ZSWIM6: variants seen among roughly 807,000 people sequenced by gnomAD.
The protein encoded by ZSWIM6 is zinc finger SWIM-type containing 6.
A neutral mutation model predicts 113.2 loss-of-function variants in ZSWIM6; 9 were observed. The observed-to-expected ratio is 0.08, with a 90% CI of 0.05 to 0.14. ZSWIM6 has a LOEUF of 0.14. Ranked by LOEUF, ZSWIM6 falls within the 10% of genes least tolerant of loss-of-function variation. The pLI, the probability that ZSWIM6 is intolerant of heterozygous loss-of-function variation, is 1.00. For missense variants in ZSWIM6, 1,162 were observed against 1,552.2 expected (o/e 0.75, Z 4.22); for synonymous variants, 611 against 606.5 (o/e 1.01, Z -0.11).
intron 3 of ZSWIM6, among the ~76,000 whole-genome samples, chr5:61,492,570 T>C (rs965438123): frequency 1.3e-5 from 2 of 152,148 alleles, no homozygotes; most frequent in African/African-American, 4.8e-5. Flanking sequence ...AAATAGTAAG[T>C]ATCAATGTAA....
At chr5:61,490,294 G>A (rs1392919025) in intron 2 of ZSWIM6, among the ~76,000 whole-genome samples, 2 of 151,980 alleles carry the variant, frequency 1.3e-5, no homozygotes, top group South Asian at 2.1e-4. Context: ...TTTAATCTTC[G>A]GTTTTCTGCA....
chr5:61,469,832 C>T (rs373330843), intron 1 of ZSWIM6, among the ~76,000 whole-genome samples: 1 of 152,096 alleles, frequency 6.6e-6, no homozygotes, highest in South Asian at 2.1e-4. Context: ...CTCAGCTCCC[C>T]GAGTAGCTGG....
In ZSWIM6 at chr5:61,460,312, GT is replaced by G. The variant is rs200157562; in HGVS notation, c.677-12360del. Among the ~76,000 whole-genome samples, 7 of 150,940 alleles carry G rather than the reference GT, an allele frequency of 4.6e-5. No homozygotes were observed. In the East Asian group the frequency reaches 9.7e-4, roughly 21 times the overall value. ...TACTGCTTATACTGAATTATGGTTT[GT>G]TTTTTTTTAATATCTTACAGCAGTT... On this transcript the variant is annotated intron_variant, in intron 1 of 13. Coordinates refer to ENST00000252744, the MANE Select transcript of ZSWIM6 (RefSeq NM_020928.2).
intron 4 of ZSWIM6, among the ~76,000 whole-genome samples, chr5:61,503,486 C>T (rs756115086): frequency 2.0e-5 from 3 of 152,138 alleles, no homozygotes; most frequent in Non-Finnish European, 4.4e-5. Context: ...AGAGAGAGAC[C>T]TTGAAGTGGC....
At chr5:61,378,450 T>A (rs1745414022) in intron 1 of ZSWIM6, among the ~76,000 whole-genome samples, 2 of 152,246 alleles carry the variant, frequency 1.3e-5, no homozygotes, top group African/African-American at 4.8e-5. Flanking sequence ...ATTTATATGT[T>A]GCTTATGTAT....
At chr5:61,405,201 A>G (rs571783247) in intron 1 of ZSWIM6, among the ~76,000 whole-genome samples, 3 of 152,328 alleles carry the variant, frequency 2.0e-5, no homozygotes, top group South Asian at 4.1e-4. Context: ...ATTTGTTGAT[A>G]GAAAGCTATG....
intron 7 of ZSWIM6, among the ~76,000 whole-genome samples, chr5:61,527,799 T>G (rs773386767): frequency 1.3e-5 from 2 of 152,192 alleles, no homozygotes; most frequent in African/African-American, 4.8e-5. Flanking sequence ...ATTATACATT[T>G]TATGAATAAA....
rs368356910 is a variant in ZSWIM6 at position 61,532,421 on chromosome 5, C to T, written c.2245+696C>T. ...TAATTCATGTGGTAGTGTGATCTTT[C>T]GTGCAAATTTAGGTGGTGTGTAACT... On this transcript the variant is annotated intron_variant, in intron 9 of 13. Transcript: ENST00000252744. 1.2e-4 allele frequency among the ~76,000 whole-genome samples: 19 copies of T among 152,236 alleles called. No homozygotes were observed. In the South Asian group the frequency reaches 2.1e-3, roughly 17 times the overall value.
At chr5:61,422,160 G>A (rs983749559) in intron 1 of ZSWIM6, among the ~76,000 whole-genome samples, 2 of 152,192 alleles carry the variant, frequency 1.3e-5, no homozygotes, top group African/African-American at 4.8e-5. Flanking sequence ...GTCCTGGAGA[G>A]TTTCCCCAAA....
At chr5:61,375,407 A>T (rs1745351948) in intron 1 of ZSWIM6, 2 of 1,526,786 alleles carry the variant, frequency 1.3e-6, no homozygotes, top group Non-Finnish European at 1.8e-6. Flanking sequence ...AAAGAAAAGA[A>T]GAAATCTGGT....
rs773943369 is a variant in ZSWIM6 at position 61,525,843 on chromosome 5, C to T, written c.1557C>T (p.Ile519=). 16 of 1,551,748 alleles carry T rather than the reference C, an allele frequency of 1.0e-5. No homozygotes were observed. The highest frequency in any genetic ancestry group is 1.4e-5 in the African/African-American group (1 of 73,032). Residue 519 remains isoleucine, a synonymous_variant, in exon 6 of 14, where the codon ATC becomes ATT. Transcript: ENST00000252744. ...ATCGGACAGTGTTCACCCGAGCCAT[C>T]GAGGCATGCGATCTCCACTGGCAGG... ...RPHRTVFTRA[I]EACDLHWQDS...
At chr5:61,440,145 T>C (rs1050243538) in intron 1 of ZSWIM6, among the ~76,000 whole-genome samples, 1 of 151,708 alleles carries the variant, frequency 6.6e-6, no homozygotes, top group Non-Finnish European at 1.5e-5. Flanking sequence ...GAGAGTATAT[T>C]AAGTATACAA....
At chr5:61,443,459 C>T (rs923512467) in intron 1 of ZSWIM6, among the ~76,000 whole-genome samples, 6 of 152,116 alleles carry the variant, frequency 3.9e-5, no homozygotes, top group Non-Finnish European at 7.4e-5. Flanking sequence ...ATAATTCTAA[C>T]ATAACAGATA....
chr5:61,534,252 G>T (rs1486676718), intron 9 of ZSWIM6, among the ~76,000 whole-genome samples: 1 of 152,068 alleles, frequency 6.6e-6, no homozygotes, highest in African/African-American at 2.4e-5. Flanking sequence ...AATGGATTTG[G>T]TAAAATTAGA....
intron 1 of ZSWIM6, among the ~76,000 whole-genome samples, chr5:61,353,594 A>T (rs1479359007): frequency 6.6e-6 from 1 of 152,136 alleles, no homozygotes; most frequent in African/African-American, 2.4e-5. Flanking sequence ...CTACTTCTGA[A>T]TGTATTATGT....
intron 5 of ZSWIM6, among the ~76,000 whole-genome samples, chr5:61,525,263 A>G (rs1050258694): frequency 2.6e-5 from 4 of 152,254 alleles, no homozygotes; most frequent in Non-Finnish European, 4.4e-5. Context: ...CCCAAGAAGC[A>G]TAATAGTTTT....
At chr5:61,375,568 G>T (rs887841145) in intron 1 of ZSWIM6, 15 of 1,533,140 alleles carry the variant, frequency 9.8e-6, no homozygotes, top group African/African-American at 1.4e-5. Context: ...AACTGAATCA[G>T]ACAGTAAGGA....
At chr5:61,354,891 C>T (rs1744867908) in intron 1 of ZSWIM6, among the ~76,000 whole-genome samples, 1 of 152,012 alleles carries the variant, frequency 6.6e-6, no homozygotes, top group Non-Finnish European at 1.5e-5. Flanking sequence ...TGTATTAAGG[C>T]AATATATGTT....
chr5:61,396,377 C>A (rs1287065281), intron 1 of ZSWIM6, among the ~76,000 whole-genome samples: 2 of 151,724 alleles, frequency 1.3e-5, no homozygotes, highest in Admixed American at 6.6e-5. Flanking sequence ...ACTAAAAATA[C>A]AAAAATTAGC....
Sources: gnomAD v4.1 joint callset for allele counts (sites outside exome capture counted in the v4.1 genomes callset) on GRCh38, gnomAD v4.1.1 for gene constraint, MANE v1.5 for transcripts, NCBI Gene and HGNC (gene_info 2026-07-23, HGNC 2026-07-21) for gene names.